DENND1A: variants seen among roughly 807,000 people sequenced by gnomAD.
DENND1A encodes the protein DENN domain-containing protein 1A.
A neutral mutation model predicts 113.7 loss-of-function variants in DENND1A; 51 were observed. The observed-to-expected ratio is 0.45, with a 90% confidence interval of 0.36 to 0.57. The LOEUF (loss-of-function observed/expected upper bound fraction) is 0.57, where lower values mean the gene tolerates loss of function less well. Ranked by LOEUF, DENND1A falls within the 20% of genes least tolerant of loss-of-function variation. The pLI, the probability that DENND1A is intolerant of heterozygous loss-of-function variation, is 0.00. For missense variants in DENND1A, 1,258 were observed against 1,395.9 expected (o/e 0.90, Z 1.57); for synonymous variants, 565 against 570.8 (o/e 0.99, Z 0.14).
chr9:123,915,660 A>G (rs570774339), intron 1 of DENND1A, among the ~76,000 whole-genome samples: 1 of 152,310 alleles, frequency 6.6e-6, no homozygotes, highest in African/African-American at 2.4e-5. Context: ...GATACTGTCT[A>G]AAGTTAATTA....
intron 12 of DENND1A, among the ~76,000 whole-genome samples, chr9:123,559,390 G>A (rs945038531): frequency 5.3e-5 from 8 of 152,170 alleles, no homozygotes; most frequent in African/African-American, 1.9e-4. Flanking sequence ...ATCATTTAAA[G>A]ACAAAACTTA....
At chr9:123,652,934 C>T (rs2139440177) in intron 8 of DENND1A, among the ~76,000 whole-genome samples, 2 of 152,298 alleles carry the variant, frequency 1.3e-5, no homozygotes, top group East Asian at 3.9e-4. Context: ...TTATACAACG[C>T]TTTCTATACC....
intron 12 of DENND1A, among the ~76,000 whole-genome samples, chr9:123,561,376 G>C (rs1336034928): frequency 2.0e-5 from 3 of 152,200 alleles, no homozygotes; most frequent in Admixed American, 1.3e-4. Flanking sequence ...CTGGGCTCCT[G>C]ATGCCCCTGT....
chr9:123,402,861 C>G (rs909123094), intron 21 of DENND1A, among the ~76,000 whole-genome samples: 1 of 152,234 alleles, frequency 6.6e-6, no homozygotes, highest in African/African-American at 2.4e-5. Context: ...CTAGGCCAGT[C>G]CTACGGGAGG....
At chr9:123,617,943 A>G (rs894201168) in intron 10 of DENND1A, among the ~76,000 whole-genome samples, 6 of 152,198 alleles carry the variant, frequency 3.9e-5, no homozygotes, top group Non-Finnish European at 8.8e-5. Flanking sequence ...AAGGATAAAA[A>G]AATAGCGCAA....
At chr9:123,389,110 A>C (rs1488856612) in intron 21 of DENND1A, among the ~76,000 whole-genome samples, 3 of 152,340 alleles carry the variant, frequency 2.0e-5, no homozygotes, top group Admixed American at 1.3e-4. Flanking sequence ...GGACATGAGA[A>C]CCACAGCTGG....
At chr9:123,397,258 G>C (rs1241052419) in intron 21 of DENND1A, among the ~76,000 whole-genome samples, 1 of 152,128 alleles carries the variant, frequency 6.6e-6, no homozygotes, top group Non-Finnish European at 1.5e-5. Context: ...GGGTTCAAAT[G>C]ATTCTCCTGC....
At chr9:123,765,023 G>C (rs1475921956) in intron 4 of DENND1A, among the ~76,000 whole-genome samples, 2 of 152,222 alleles carry the variant, frequency 1.3e-5, no homozygotes, top group Non-Finnish European at 2.9e-5. Flanking sequence ...AGAGCAGGGT[G>C]AATCTGCAGA....
At chr9:123,873,568 T>C (rs1487235975) in intron 2 of DENND1A, among the ~76,000 whole-genome samples, 2 of 152,234 alleles carry the variant, frequency 1.3e-5, no homozygotes, top group African/African-American at 4.8e-5. Context: ...CTTTATAAAA[T>C]GTTTTAAGTA....
At chr9:123,646,351 G>C (rs555182760) in intron 9 of DENND1A, among the ~76,000 whole-genome samples, 1 of 152,128 alleles carries the variant, frequency 6.6e-6, no homozygotes, top group Non-Finnish European at 1.5e-5. Context: ...TAACTCTCTT[G>C]AGGAATTCTG....
chr9:123,848,074 G>A (rs1842850847), intron 2 of DENND1A, among the ~76,000 whole-genome samples: 1 of 151,782 alleles, frequency 6.6e-6, no homozygotes, highest in Non-Finnish European at 1.5e-5. Context: ...AAACAAGGAG[G>A]GGAATGATTA....
chr9:123,880,628 G>A (rs776599557), intron 1 of DENND1A, among the ~76,000 whole-genome samples: 3 of 152,092 alleles, frequency 2.0e-5, no homozygotes, highest in Non-Finnish European at 4.4e-5. Flanking sequence ...AGCAATCTCA[G>A]TTATCTCATT....
intron 5 of DENND1A, among the ~76,000 whole-genome samples, chr9:123,731,482 G>A (rs1354793387): frequency 1.3e-5 from 2 of 152,154 alleles, no homozygotes; most frequent in Admixed American, 1.3e-4. Flanking sequence ...TCAACAAATG[G>A]TGCTGGAACA....
intron 13 of DENND1A, among the ~76,000 whole-genome samples, chr9:123,467,933 T>C (rs1350340844): frequency 6.6e-6 from 1 of 152,198 alleles, no homozygotes; most frequent in East Asian, 1.9e-4. Flanking sequence ...GAGCATTTTG[T>C]GCACTCTCAC....
At chr9:123,895,689 T>C (rs1226131182) in intron 1 of DENND1A, among the ~76,000 whole-genome samples, 1 of 151,684 alleles carries the variant, frequency 6.6e-6, no homozygotes, top group East Asian at 1.9e-4. Flanking sequence ...GATAGAAACC[T>C]AACAGGGTTA....
intron 2 of DENND1A, among the ~76,000 whole-genome samples, chr9:123,821,103 TATCAA>T (rs1164257282): frequency 1.3e-5 from 2 of 152,256 alleles, no homozygotes; most frequent in Non-Finnish European, 2.9e-5. Flanking sequence ...TTGACAACTT[TATCAA>T]ATTCTTCCAT....
chr9:123,730,366 A>C (rs2068068613), intron 5 of DENND1A, among the ~76,000 whole-genome samples: 1 of 152,236 alleles, frequency 6.6e-6, no homozygotes, highest in South Asian at 2.1e-4. Context: ...CCATCTGACA[A>C]AGGGCTAATA....
At chr9:123,391,074 A>G (rs1469342463) in intron 21 of DENND1A, among the ~76,000 whole-genome samples, 3 of 152,094 alleles carry the variant, frequency 2.0e-5, no homozygotes, top group African/African-American at 7.2e-5. Context: ...CGCTGCCCAC[A>G]CTGCTGTGAT....
At chr9:123,848,228 TAA>T (rs375535777) in intron 2 of DENND1A, among the ~76,000 whole-genome samples, 4,597 of 59,828 alleles carry the variant, frequency 0.077, 29 homozygotes, top group African/African-American at 0.085. Context: ...GATACTGCTT[TAA>T]AAAAAAAAAA....
Sources: gnomAD v4.1 joint callset for allele counts (sites outside exome capture counted in the v4.1 genomes callset) on GRCh38, gnomAD v4.1.1 for gene constraint, MANE v1.5 for transcripts, NCBI Gene and HGNC (gene_info 2026-07-23, HGNC 2026-07-21) for gene names.